The following FBXO2 variants were observed in gnomAD, a reference collection of about 807,000 sequenced individuals.
The protein encoded by FBXO2 is F-box only protein 2.
FBXO2 carries 32 observed loss-of-function variants against 38.6 expected under a neutral mutation model. The ratio of observed to expected loss-of-function variants is 0.83; its 90% CI spans 0.62 to 1.11. The LOEUF is 1.11. Among genes scored for constraint, FBXO2 ranks in the 50% most tolerant of loss-of-function variants. The pLI, the probability that FBXO2 is intolerant of heterozygous loss-of-function variation, is 0.00. For missense variants in FBXO2, 450 were observed against 418.3 expected, an observed-to-expected ratio of 1.08 and a Z score of -0.66; for synonymous variants, 189 against 182.9, an observed-to-expected ratio of 1.03 and a Z score of -0.27.
At chr1:11,649,299 T>C in intron 4 of FBXO2, 74 bp from the exon 5 acceptor site, 1 of 1,289,096 alleles carries the variant, frequency 7.8e-7, no homozygotes, top group Non-Finnish European at 1.1e-6. Context: ...GCTGAACACG[T>C]CCTGGGGATG....
rs1026179035 is a variant in FBXO2, at chr1:11,649,682, G to A, written c.617+97C>T. The stretch of plus-strand genomic sequence containing the variant: ...CCACGTGGCCTCAACCCCTGCAGTG[G>A]GGAGGCAGCACCCCCAGGCGGGGGG... On this transcript the variant is annotated intron_variant, in intron 4 of 5. Coordinates refer to ENST00000354287, the MANE Select transcript of FBXO2 (RefSeq NM_012168.6). The A allele has an allele frequency of 8.2e-5, 108 of 1,309,452 alleles. 1 individual carries two copies. In the South Asian group the frequency reaches 1.3e-3, roughly 15 times the overall value. 81.1% of individuals were successfully genotyped at this position (1,309,452 alleles called of 1,614,324 possible). A position where few individuals can be genotyped will look rare whatever the true frequency, so the allele number is the denominator to read the frequency against.
In FBXO2 at chr1:11,648,626, A is replaced by C; in HGVS notation, c.*68T>G. ...GGGAAGGTGAGGACGCTATGGACTA[A>C]GTTAAGGCCTATCTACCCTCGACCT... On this transcript the variant is annotated 3_prime_UTR_variant, in exon 6 of 6. Coordinates refer to ENST00000354287, the MANE Select transcript of FBXO2 (RefSeq NM_012168.6). The surrounding 1 kb of genome is among the most constrained non-coding windows in gnomAD (Gnocchi z 4.2). 1 of 1,582,824 alleles carries C rather than the reference A, an allele frequency of 6.3e-7. No individual in the cohort carries two copies. The highest frequency in any genetic ancestry group is 8.6e-7 in the Non-Finnish European group (1 of 1,158,048).
intron 1 of FBXO2, 73 bp downstream of exon 1, chr1:11,654,246 C>A: frequency 6.9e-7 from 1 of 1,451,732 alleles, no homozygotes; most frequent in South Asian, 1.3e-5. Flanking sequence ...TCTCTGACGC[C>A]CCTCTGTGCA....
rs776517350 is a variant in FBXO2 at position 11,650,560 on chromosome 1, G to C, written c.297C>G (p.Pro99=). The C allele has an allele frequency of 6.3e-7, 1 of 1,595,414 alleles. No individual in the cohort carries two copies. Among genetic ancestry groups the C allele is most frequent in the Non-Finnish European group, 8.5e-7 (1 of 1,173,052 alleles). ...CGCGCTCCTCCTCCACGCCGCCCTC[G>C]GGCACCAGCCCCTCCTGCTGGCACT... ...LLKCQQEGLV[P]EGGVEEERDH... is the part of the protein sequence containing the mutation. The change falls in exon 2 of 6, where the codon CCC becomes CCG. Residue 99 remains proline (P), a synonymous_variant. Coordinates refer to ENST00000354287, the MANE Select transcript of FBXO2 (RefSeq NM_012168.6).
In FBXO2 at chr1:11,648,765, G is replaced by GC. The variant is rs777417605; in HGVS notation, c.819dup (p.Gln274AlafsTer44). On this transcript the variant is annotated frameshift_variant, in exon 6 of 6. Transcript: ENST00000354287. LOFTEE classifies it high-confidence loss of function. The surrounding 1 kb of genome is among the most constrained non-coding windows in gnomAD (Gnocchi z 4.2). ...CAGCCCTTCCAGTAGACGGAGTCCT[G>GC]CCCCCCGTGCTCGAAGCGGACGAAG... 69 of 1,613,550 alleles carry GC rather than the reference G, an allele frequency of 4.3e-5. No homozygotes were observed. The highest frequency in any genetic ancestry group is 5.1e-5 in the Non-Finnish European group (60 of 1,180,016).
intron 1 of FBXO2, among the ~76,000 whole-genome samples, chr1:11,652,386 T>C (rs554484502): frequency 6.6e-6 from 1 of 152,312 alleles, no homozygotes; most frequent in Admixed American, 6.5e-5. Flanking sequence ...CCTTTTCCCA[T>C]CCGTGGCCCT....
chr1:11,651,921 ACTCCTGAC>A (rs1570221550), intron 1 of FBXO2, among the ~76,000 whole-genome samples: 1 of 151,958 alleles, frequency 6.6e-6, no homozygotes, highest in East Asian at 1.9e-4. Flanking sequence ...CTGGTCTCAA[ACTCCTGAC>A]CTCAGGTGAT....
intron 1 of FBXO2, among the ~76,000 whole-genome samples, chr1:11,651,453 G>A (rs191570677): frequency 6.6e-5 from 10 of 152,278 alleles, no homozygotes; most frequent in East Asian, 5.8e-4. Context: ...GTTAGGCACC[G>A]TCCAAAGCAT....
intron 1 of FBXO2, 175 bp downstream of exon 1, chr1:11,654,144 C>T (rs1339600364): frequency 3.1e-6 from 2 of 645,690 alleles, no homozygotes; most frequent in African/African-American, 1.9e-5. Flanking sequence ...TCCCGCCAGA[C>T]CAAGATAGCA....
At chr1:11,649,021 G>A in intron 5 of FBXO2, 66 bp downstream of exon 5, 1 of 1,483,816 alleles carries the variant, frequency 6.7e-7, no homozygotes, top group Non-Finnish European at 9.1e-7. Flanking sequence ...CTGTGGGCGG[G>A]GTCTCCTCGA....
Position 11,650,479 on chromosome 1 carries a change from G to C in FBXO2, c.378C>G (p.Asn126Lys). Residue 126 changes from asparagine (N) to lysine (K), a missense_variant, in exon 2 of 6, where the codon AAC (asparagine) becomes AAG (lysine). Coordinates refer to ENST00000354287, the MANE Select transcript of FBXO2 (RefSeq NM_012168.6). ...AGGGCCTCTCACCTTCCCCACACGG[G>C]TTACGCAGAAGGTTGCGGCGCCGCT... The part of the protein sequence containing the change: ...LSKRRRNLLR[N>K]PCGEEDLEGW... 6.2e-7 allele frequency: 1 copy of C among 1,609,722 alleles called. No homozygotes were observed. The highest frequency in any genetic ancestry group is 1.1e-5 in the South Asian group (1 of 90,162).
In FBXO2 at chr1:11,648,400, T is replaced by C. The variant is rs1042346621; in HGVS notation, c.*294A>G. The C allele has an allele frequency of 1.0e-5, 4 of 396,704 alleles. No individual in the cohort carries two copies. The East Asian group carries it at 1.6e-4, about 15-fold the overall frequency. The allele number at this position is 396,704 out of a possible 1,614,324, so 24.6% of individuals were successfully genotyped here. Reference sequence around the variant, plus strand: ...TTCATTCATTCCTTCCTTGGACAAATAATATTTATTGAGAGCCCACTTTGT... The same window carrying C: ...TTCATTCATTCCTTCCTTGGACAAACAATATTTATTGAGAGCCCACTTTGT... On this transcript the variant is annotated 3_prime_UTR_variant, in exon 6 of 6. Transcript: ENST00000354287. This position sits in a 1 kb window ranked among gnomAD's most constrained non-coding sequence, Gnocchi z 4.2.
intron 1 of FBXO2, among the ~76,000 whole-genome samples, chr1:11,651,965 C>G (rs902973083): frequency 6.6e-6 from 1 of 152,220 alleles, no homozygotes; most frequent in Non-Finnish European, 1.5e-5. Flanking sequence ...TCCCAAAGTG[C>G]TGGGATTAAA....
rs1639508115 is a variant in FBXO2, at chr1:11,650,782, C to T, written c.75G>A (p.Ala25=). The T allele has an allele frequency of 1.3e-6, 2 of 1,536,390 alleles. No individual in the cohort carries two copies. The highest frequency in any genetic ancestry group is 8.7e-7 in the Non-Finnish European group (1 of 1,146,850). The stretch of plus-strand genomic sequence containing the variant: ...CCTCCGGCCGCTCCTCCTCAGCACT[C>T]GCCTCCTCTGGCTGCTCCTCCGGGC... ...EASPEEQPEE[A]SAEEERPEDQ... The change falls in exon 2 of 6, where the codon GCG becomes GCA. Residue 25 remains alanine (A), a synonymous_variant. Coordinates refer to ENST00000354287, the MANE Select transcript of FBXO2 (RefSeq NM_012168.6).
Position 11,649,558 on chromosome 1 carries a change from A to G in FBXO2, c.617+221T>C, listed in dbSNP as rs1639477746. Reference sequence around the variant, plus strand: ...ACATTACATATATACAAACATATATATGTGCATATATTTGCCAACATTTAA... The same window carrying G: ...ACATTACATATATACAAACATATATGTGTGCATATATTTGCCAACATTTAA... On this transcript the variant is annotated intron_variant, in intron 4 of 5. Coordinates refer to ENST00000354287, the MANE Select transcript of FBXO2 (RefSeq NM_012168.6). 4 of 595,868 alleles carry G rather than the reference A, an allele frequency of 6.7e-6. No individual in the cohort carries two copies. The East Asian group carries it at 8.3e-5, about 12-fold the overall frequency. The allele number at this position is 595,868 out of a possible 1,614,324, so 36.9% of individuals were successfully genotyped here.
chr1:11,649,094 C>T lies in FBXO2; in HGVS notation c.749G>A (p.Trp250Ter). 2 of 1,594,276 alleles carry T rather than the reference C, an allele frequency of 1.3e-6. No homozygotes were observed. Among genetic ancestry groups the T allele is most frequent in the South Asian group, 2.3e-5 (2 of 87,948 alleles). ...AVPQDSDGGG[W>*]MEISHTFTDY... is the part of the protein sequence containing the mutation. ...TGGGTCCCCCAGGCTCACCTCCATC[C>T]AGCCCCCGCCGTCACTGTCTTGGGG... The change falls in exon 5 of 6, where the codon TGG becomes TAG. Residue 250 changes from tryptophan to a stop codon, truncating the protein, a stop_gained. Coordinates refer to ENST00000354287, the MANE Select transcript of FBXO2 (RefSeq NM_012168.6). LOFTEE classifies it high-confidence loss of function.
intron 1 of FBXO2, 96 bp downstream of exon 1, chr1:11,654,223 C>T (rs1639610855): frequency 1.5e-6 from 2 of 1,346,470 alleles, no homozygotes; most frequent in Non-Finnish European, 2.0e-6. Context: ...GCCAGGTCTC[C>T]GGGTCCCCTC....
At chr1:11,650,891 C>T in intron 1 of FBXO2, 57 bp from the exon 2 acceptor site, 37 of 1,536,570 alleles carry the variant, frequency 2.4e-5, no homozygotes, top group Non-Finnish European at 3.1e-5. Context: ...TCCTCCAGGC[C>T]CCAGGACTGC....
chr1:11,653,632 A>G (rs1639585068), intron 1 of FBXO2: 1 of 152,382 alleles, frequency 6.6e-6, no homozygotes, highest in Non-Finnish European at 1.5e-5. Context: ...TGATGAGGAA[A>G]GAGTGAGGGC....
Sources: gnomAD v4.1 joint callset for allele counts (sites outside exome capture counted in the v4.1 genomes callset) on GRCh38, gnomAD v4.1.1 for gene constraint, Gnocchi (gnomAD v3.1) non-coding constraint, MANE v1.5 for transcripts, NCBI Gene and HGNC (gene_info 2026-07-23, HGNC 2026-07-21) for gene names.